Variants in MANBA observed in about 807,000 individuals in gnomAD.
MANBA encodes beta-mannosidase.
Under a neutral mutation model 111.1 loss-of-function variants are expected in MANBA, and 83 were observed. The ratio of observed to expected loss-of-function variants is 0.75; its 90% confidence interval spans 0.63 to 0.90. The LOEUF (loss-of-function observed/expected upper bound fraction) is 0.90. Among genes scored for constraint, MANBA ranks in the 40% least tolerant of loss-of-function variants. MANBA has a pLI of 0.00. For missense variants in MANBA, 1,036 were observed against 1,069.0 expected, an observed-to-expected ratio of 0.97 and a Z score of 0.43; for synonymous variants, 370 against 378.7, an observed-to-expected ratio of 0.98 and a Z score of 0.27.
intron 9 of MANBA, among the ~76,000 whole-genome samples, chr4:102,670,256 T>C (rs1405228165): frequency 6.6e-6 from 1 of 151,748 alleles, no homozygotes; most frequent in Non-Finnish European, 1.5e-5. Flanking sequence ...GGATAAAATA[T>C]ATAACCTCTT....
chr4:102,631,814 ACACAGTCCTGG>A lies in MANBA; in HGVS notation c.*232_*242del. The stretch of plus-strand genomic sequence containing the variant: ...AAAGCTGAGAGGTGAAGGGCTAAAA[ACACAGTCCTGG>A]CACAGATTCCAGGACACCCCGGCAC... On this transcript the variant is annotated 3_prime_UTR_variant, in exon 17 of 17. Coordinates refer to ENST00000647097, the MANE Select transcript of MANBA (RefSeq NM_005908.4). The A allele has an allele frequency of 1.7e-6, 1 of 605,460 alleles. No homozygotes were observed. Among genetic ancestry groups the A allele is most frequent in the Non-Finnish European group, 2.9e-6 (1 of 341,006 alleles). 37.5% of individuals were successfully genotyped at this position (605,460 alleles called of 1,614,324 possible).
chr4:102,732,986 C>T (rs1723084934), intron 1 of MANBA, among the ~76,000 whole-genome samples: 2 of 152,206 alleles, frequency 1.3e-5, no homozygotes, highest in African/African-American at 4.8e-5. Context: ...CTTCCTTTCT[C>T]CCAGCTCCCT....
At position 102,664,506 on chromosome 4, in the gene MANBA, G is replaced by A. The variant is rs557243968; in HGVS notation, c.1485+179C>T. Among the ~76,000 whole-genome samples, 17 of 152,032 alleles carry A rather than the reference G, an allele frequency of 1.1e-4. No homozygotes were observed. In the East Asian group the frequency reaches 1.4e-3, roughly 12 times the overall value. On this transcript the variant is annotated intron_variant, in intron 11 of 16. Coordinates refer to ENST00000647097, the MANE Select transcript of MANBA (RefSeq NM_005908.4). ...TGGGACTACAGGCGCCCGCCACCGC[G>A]CCCAGCTAATTTTTTTTGTATTTTT...
In MANBA at chr4:102,662,008, A is replaced by G. The variant is rs115478546; in HGVS notation, c.1485+2677T>C. Among the ~76,000 whole-genome samples, 197 of 152,300 alleles carry G rather than the reference A, an allele frequency of 1.3e-3. 1 individual carries two copies. The highest frequency in any genetic ancestry group is 4.6e-3 in the African/African-American group (190 of 41,572). On this transcript the variant is annotated intron_variant, in intron 11 of 16. Transcript: ENST00000647097. Reference sequence around the variant, plus strand: ...TTTAATACTATTCATCTTTGAAAAAATTTACAAACATCAGTTATTGCCCAT... The same window carrying G: ...TTTAATACTATTCATCTTTGAAAAAGTTTACAAACATCAGTTATTGCCCAT...
At chr4:102,727,091 T>C (rs1722839920) in intron 1 of MANBA, among the ~76,000 whole-genome samples, 1 of 152,232 alleles carries the variant, frequency 6.6e-6, no homozygotes, top group Non-Finnish European at 1.5e-5. Flanking sequence ...GTTTATCTTG[T>C]GTACTAACCT....
intron 8 of MANBA, among the ~76,000 whole-genome samples, chr4:102,673,595 T>C (rs999445814): frequency 5.3e-5 from 8 of 152,182 alleles, no homozygotes; most frequent in African/African-American, 1.9e-4. Flanking sequence ...CTGAAAATAG[T>C]TGAATGTAAT....
At chr4:102,708,976 A>T (rs1401658979) in intron 5 of MANBA, among the ~76,000 whole-genome samples, 2 of 152,100 alleles carry the variant, frequency 1.3e-5, no homozygotes, top group Admixed American at 6.5e-5. Context: ...TGAAAAACAT[A>T]GAGAAAATAG....
intron 1 of MANBA, among the ~76,000 whole-genome samples, chr4:102,756,839 A>C (rs1724043069): frequency 6.6e-6 from 1 of 150,858 alleles, no homozygotes; most frequent in African/African-American, 2.4e-5. Flanking sequence ...TTGCTTCAAA[A>C]CTTACACCAG....
At chr4:102,660,059 G>C (rs1730857182) in intron 11 of MANBA, among the ~76,000 whole-genome samples, 1 of 152,140 alleles carries the variant, frequency 6.6e-6, no homozygotes. Flanking sequence ...ACCACACATT[G>C]CTGATAACCA....
Position 102,690,731 on chromosome 4 carries a change from T to G in MANBA, c.714A>C (p.Thr238=). 2 of 1,595,540 alleles carry G rather than the reference T, an allele frequency of 1.3e-6. No homozygotes were observed. The highest frequency in any genetic ancestry group is 1.7e-6 in the Non-Finnish European group (2 of 1,168,658). The change falls in exon 6 of 17, where the codon ACA becomes ACC. Residue 238 remains threonine, a synonymous_variant. Transcript: ENST00000647097. ...AQEWNLEIES[T]FDVVSSKPVG... ...CTGGCTTTGAGCTGACAACATCAAA[T>G]GTAGACTCTATTTCCAGATTCCACT...
At chr4:102,694,806 G>C (rs1331713271) in intron 5 of MANBA, among the ~76,000 whole-genome samples, 8 of 152,028 alleles carry the variant, frequency 5.3e-5, no homozygotes, top group South Asian at 2.1e-4. Flanking sequence ...ATGCTGGCCT[G>C]CCCTCTCCAC....
intron 6 of MANBA, 112 bp from the exon 7 acceptor site, chr4:102,689,796 C>CA (rs1194484740): frequency 3.0e-5 from 21 of 703,540 alleles, no homozygotes; most frequent in Non-Finnish European, 3.9e-5. Context: ...GGTTCTAAAA[C>CA]AATGTAAGTC....
At chr4:102,669,723 G>A (rs1731402426) in intron 9 of MANBA, among the ~76,000 whole-genome samples, 1 of 152,180 alleles carries the variant, frequency 6.6e-6, no homozygotes, top group African/African-American at 2.4e-5. Context: ...GCTCACGCCT[G>A]TAATCCCAGA....
intron 5 of MANBA, among the ~76,000 whole-genome samples, chr4:102,695,356 A>G (rs940668751): frequency 1.3e-5 from 2 of 152,222 alleles, no homozygotes; most frequent in African/African-American, 2.4e-5. Flanking sequence ...AAGAGGACTC[A>G]GTTACATTAC....
At chr4:102,650,797 T>G in intron 12 of MANBA, 96 bp from the exon 13 acceptor site, 1 of 944,316 alleles carries the variant, frequency 1.1e-6, no homozygotes, top group South Asian at 1.4e-5. Flanking sequence ...TCCTAAACAC[T>G]AGAGAAGACC....
intron 12 of MANBA, among the ~76,000 whole-genome samples, chr4:102,655,683 A>C (rs1730528190): frequency 6.6e-6 from 1 of 152,210 alleles, no homozygotes; most frequent in Non-Finnish European, 1.5e-5. Flanking sequence ...GCAAGAGCTA[A>C]AACTATAAAA....
At chr4:102,730,119 CG>C in intron 1 of MANBA, 11 of 1,183,352 alleles carry the variant, frequency 9.3e-6, no homozygotes, top group South Asian at 1.5e-5. Flanking sequence ...GCTGAAGGCC[CG>C]GGGCCCAGAG....
At chr4:102,635,085 G>T (rs1342358122) in intron 15 of MANBA, 40 bp from the exon 16 acceptor site, 1 of 1,609,344 alleles carries the variant, frequency 6.2e-7, no homozygotes, top group East Asian at 2.2e-5. Flanking sequence ...GGCATTCTTG[G>T]TTGCTATGTT....
At chr4:102,687,534 T>C (rs1273952753) in intron 7 of MANBA, among the ~76,000 whole-genome samples, 1 of 152,190 alleles carries the variant, frequency 6.6e-6, no homozygotes, top group East Asian at 1.9e-4. Context: ...CTTTCACTTC[T>C]GCAAACACAC....
Sources: gnomAD v4.1 joint callset for allele counts (sites outside exome capture counted in the v4.1 genomes callset) on GRCh38, gnomAD v4.1.1 for gene constraint, MANE v1.5 for transcripts, NCBI Gene and HGNC (gene_info 2026-07-23, HGNC 2026-07-21) for gene names.